Variants in FGF13 observed in about 807,000 individuals in gnomAD.
The protein encoded by FGF13 is fibroblast growth factor homologous factor 2.
A neutral mutation model predicts 19.5 loss-of-function variants in FGF13; 2 were observed. The ratio of observed to expected loss-of-function variants is 0.10; its 90% CI spans 0.04 to 0.32. FGF13 has a LOEUF of 0.32. FGF13 is among the 10% of genes least tolerant of loss of function. The pLI, the probability that FGF13 is intolerant of heterozygous loss-of-function variation, is 1.00. For missense variants in FGF13, 113 were observed against 192.7 expected (o/e 0.59, Z 2.45); for synonymous variants, 72 against 76.9 (o/e 0.94, Z 0.33).
intron 3 of FGF13, among the ~76,000 whole-genome samples, chrX:138,663,323 C>T (rs1295247041): frequency 4.5e-5 from 5 of 111,605 alleles, no homozygotes; most frequent in African/African-American, 6.5e-5. Context: ...AGCCTGGAAT[C>T]AAACATTTTC....
chrX:138,938,891 C>A (rs2091744898), intron 1 of FGF13, among the ~76,000 whole-genome samples: 2 of 111,024 alleles, frequency 1.8e-5, no homozygotes, highest in African/African-American at 6.6e-5. Context: ...GAGCACAATG[C>A]AGTTTTTTCT....
chrX:138,651,749 T>G (rs952614077), intron 3 of FGF13, among the ~76,000 whole-genome samples: 20 of 111,850 alleles, frequency 1.8e-4, no homozygotes, highest in African/African-American at 6.5e-4. Context: ...CCAATTCCAT[T>G]CTGACCTACA....
At chrX:139,121,664 A>AT (rs1185538622) in intron 1 of FGF13, among the ~76,000 whole-genome samples, 1 of 111,228 alleles carries the variant, frequency 9.0e-6, no homozygotes, top group East Asian at 2.8e-4. Flanking sequence ...AAGTGCTAGG[A>AT]TTATAGATAT....
intron 3 of FGF13, among the ~76,000 whole-genome samples, chrX:138,667,145 T>G (rs893403385): frequency 1.9e-5 from 2 of 107,576 alleles, no homozygotes; most frequent in African/African-American, 6.7e-5. Context: ...TATTATGTAT[T>G]TATACATATA....
intron 1 of FGF13, among the ~76,000 whole-genome samples, chrX:139,166,646 T>C (rs1334856259): frequency 9.0e-6 from 1 of 111,264 alleles, no homozygotes; most frequent in Non-Finnish European, 1.9e-5. Context: ...AATGCAACAG[T>C]GTTGGGAAGT....
intron 3 of FGF13, among the ~76,000 whole-genome samples, chrX:138,686,314 G>C (rs1602699729): frequency 9.0e-6 from 1 of 111,577 alleles, no homozygotes; most frequent in African/African-American, 3.2e-5. Flanking sequence ...CTGTAAAAGA[G>C]AGTGTTACTG....
At chrX:138,892,002 A>ATATATGTATG (rs756839627) in intron 1 of FGF13, among the ~76,000 whole-genome samples, 7 of 90,384 alleles carry the variant, frequency 7.7e-5, no homozygotes, top group African/African-American at 2.5e-4. Flanking sequence ...ATATATACAT[A>ATATATGTATG]TGTGTGTGTG....
chrX:139,074,144 C>T (rs895507137), intron 1 of FGF13, among the ~76,000 whole-genome samples: 5 of 112,022 alleles, frequency 4.5e-5, no homozygotes, highest in Middle Eastern at 4.6e-3. Context: ...AGAGGAATAA[C>T]ATGTGTGGTG....
intron 1 of FGF13, among the ~76,000 whole-genome samples, chrX:138,945,859 T>C (rs968225038): frequency 1.7e-4 from 19 of 112,153 alleles, no homozygotes; most frequent in African/African-American, 5.8e-4. Flanking sequence ...ATGATATAGA[T>C]AAATTAACAA....
chrX:138,839,534 G>A (rs2091135679), intron 3 of FGF13, among the ~76,000 whole-genome samples: 1 of 111,630 alleles, frequency 9.0e-6, no homozygotes, highest in Non-Finnish European at 1.9e-5. Flanking sequence ...GCTGTTCACA[G>A]AAAAAGGAAA....
At chrX:138,732,286 A>G (rs981760119) in intron 1 of FGF13, among the ~76,000 whole-genome samples, 1 of 112,242 alleles carries the variant, frequency 8.9e-6, no homozygotes, top group Non-Finnish European at 1.9e-5. Context: ...AGATTGGTAA[A>G]AAATGTTTAT....
At chrX:139,077,826 C>G (rs1338681676) in intron 1 of FGF13, among the ~76,000 whole-genome samples, 2 of 111,434 alleles carry the variant, frequency 1.8e-5, no homozygotes, top group Admixed American at 1.9e-4. Context: ...ATTCACTCCT[C>G]CCATAACCTA....
At chrX:139,048,142 T>A in intron 1 of FGF13, among the ~76,000 whole-genome samples, 1 of 111,643 alleles carries the variant, frequency 9.0e-6, no homozygotes, top group South Asian at 3.7e-4. Flanking sequence ...TTTACATTAC[T>A]TTTAATATAT....
At chrX:138,991,051 G>A in intron 1 of FGF13, among the ~76,000 whole-genome samples, 1 of 111,936 alleles carries the variant, frequency 8.9e-6, no homozygotes, top group African/African-American at 3.2e-5. Context: ...CAGGCCCAGT[G>A]CAGGCCCACA....
intron 1 of FGF13, among the ~76,000 whole-genome samples, chrX:138,896,918 G>A (rs751741075): frequency 1.2e-3 from 138 of 111,774 alleles, no homozygotes; most frequent in Admixed American, 3.8e-4. Flanking sequence ...GGCAGATGAC[G>A]GTGAGCACCT....
At chrX:139,054,201 C>A (rs2092312811) in intron 1 of FGF13, among the ~76,000 whole-genome samples, 5 of 94,666 alleles carry the variant, frequency 5.3e-5, no homozygotes, top group Admixed American at 5.2e-4. Flanking sequence ...CGGCTCACTG[C>A]AAACTCCGCC....
chrX:138,739,145 C>T, intron 1 of FGF13: 1 of 536,610 alleles, frequency 1.9e-6, no homozygotes, highest in Non-Finnish European at 3.2e-6. Context: ...GCAGAAAGAT[C>T]CCTGGTATAA....
chrX:139,045,052 AG>A (rs1486705760), intron 1 of FGF13, among the ~76,000 whole-genome samples: 3 of 112,282 alleles, frequency 2.7e-5, no homozygotes, highest in Non-Finnish European at 3.8e-5. Flanking sequence ...CTGGATACCC[AG>A]GCTTTTTTCA....
chrX:139,001,497 A>G (rs757478877), intron 1 of FGF13, among the ~76,000 whole-genome samples: 1 of 111,666 alleles, frequency 9.0e-6, no homozygotes, highest in African/African-American at 3.3e-5. Flanking sequence ...CAAGAAAAAA[A>G]CAAACAACCC....
Sources: gnomAD v4.1 joint callset for allele counts (sites outside exome capture counted in the v4.1 genomes callset) on GRCh38, gnomAD v4.1.1 for gene constraint, MANE v1.5 for transcripts, NCBI Gene and HGNC (gene_info 2026-07-23, HGNC 2026-07-21) for gene names.